Variants in APAF1 observed in about 807,000 individuals in gnomAD.
APAF1 encodes apoptotic protease-activating factor 1.
Under a neutral mutation model 152.4 loss-of-function variants are expected in APAF1, and 91 were observed. The ratio of observed to expected loss-of-function variants is 0.60; its 90% CI spans 0.50 to 0.71. APAF1 has a LOEUF of 0.71. Among genes scored for constraint, APAF1 ranks in the 30% least tolerant of loss-of-function variants. APAF1 has a pLI of 0.00. For synonymous variants in APAF1, 484 were observed against 494.1 expected, an observed-to-expected ratio of 0.98 and a Z score of 0.27; for missense variants, 1,283 against 1,472.0, an observed-to-expected ratio of 0.87 and a Z score of 2.10.
chr12:98,671,586 C>T lies in APAF1; in HGVS notation c.1660C>T (p.Leu554Phe). ...GGAGTTTTTATCTTTAAATGGACAC[C>T]TTCTTGGACGACAGCCATTTCCTAA... ...FQEFLSLNGH[L>F]LGRQPFPNIV... The change falls in exon 12 of 27, where the codon CTT (leucine) becomes TTT (phenylalanine). Residue 554 changes from leucine to phenylalanine, a missense_variant. Leu to Phe is a conservative substitution (Grantham distance 22). Coordinates refer to ENST00000551964, the MANE Select transcript of APAF1 (RefSeq NM_181861.2). The T allele has an allele frequency of 6.2e-7, 1 of 1,613,926 alleles. No homozygotes were observed. Among genetic ancestry groups the T allele is most frequent in the Non-Finnish European group, 8.5e-7 (1 of 1,179,976 alleles).
chr12:98,665,278 A>ATATATATATTTT (rs1491316422), intron 7 of APAF1, among the ~76,000 whole-genome samples: 32 of 65,984 alleles, frequency 4.8e-4, no homozygotes, highest in African/African-American at 1.8e-3. Context: ...ATATATATAT[A>ATATATATATTTT]TTTTTTTTTT....
Position 98,648,830 on chromosome 12 carries a change from T to A in APAF1, c.328+15T>A. The A allele has an allele frequency of 6.2e-7, 1 of 1,609,706 alleles. No homozygotes were observed. Among genetic ancestry groups the A allele is most frequent in the Non-Finnish European group, 8.5e-7 (1 of 1,176,490 alleles). On this transcript the variant is annotated intron_variant, in intron 3 of 26. Transcript: ENST00000551964. ...AACTTCGTATGGTTTGTATCCATTA[T>A]ACCTTCTATCACTTTGCTATCAAAA...
chr12:98,649,497 C>G lies in APAF1; in HGVS notation c.339C>G (p.Val113=). The change falls in exon 4 of 27, where the codon GTC becomes GTG. Residue 113 remains valine (V), a synonymous_variant. Coordinates refer to ENST00000551964, the MANE Select transcript of APAF1 (RefSeq NM_181861.2). ...VSGITSYVRT[V]LCEGGVPQRP... is the part of the protein sequence containing the mutation. ...TGTTTTGGATTTTAGTAAGGACAGTCCTGTGTGAAGGTGGAGTACCACAGA... is the reference window on the plus strand; with the variant it reads ...TGTTTTGGATTTTAGTAAGGACAGTGCTGTGTGAAGGTGGAGTACCACAGA... 1 of 1,614,132 alleles carries G rather than the reference C, an allele frequency of 6.2e-7. No homozygotes were observed. The highest frequency in any genetic ancestry group is 8.5e-7 in the Non-Finnish European group (1 of 1,179,984).
At chr12:98,659,610 G>A (rs2097662238) in intron 5 of APAF1, among the ~76,000 whole-genome samples, 1 of 152,074 alleles carries the variant, frequency 6.6e-6, no homozygotes, top group Admixed American at 6.6e-5. Flanking sequence ...AATTAGCCAG[G>A]TGTTGGTGGC....
chr12:98,706,389 G>A (rs2097721416), intron 18 of APAF1, 96 bp from the exon 19 acceptor site: 3 of 1,152,848 alleles, frequency 2.6e-6, no homozygotes, highest in Non-Finnish European at 3.9e-6. Flanking sequence ...ATTCATTGAA[G>A]TGGTATTGCT....
chr12:98,689,251 C>G (rs1003224231), intron 16 of APAF1, among the ~76,000 whole-genome samples: 2 of 152,180 alleles, frequency 1.3e-5, no homozygotes. Flanking sequence ...CTTCTAACCC[C>G]TATACCTTAA....
At chr12:98,676,825 A>G (rs1206470279) in intron 12 of APAF1, among the ~76,000 whole-genome samples, 1 of 152,042 alleles carries the variant, frequency 6.6e-6, no homozygotes. Flanking sequence ...TTTTATCTTT[A>G]GTAGAGACGG....
intron 12 of APAF1, among the ~76,000 whole-genome samples, chr12:98,676,650 G>GT (rs34774971): frequency 0.89 from 130,184 of 145,918 alleles, 58,050 homozygotes; most frequent in African/African-American, 0.94. Context: ...GAGAGAAGCA[G>GT]TTTTTTTTTT....
At chr12:98,696,380 TC>T (rs780941504) in intron 16 of APAF1, among the ~76,000 whole-genome samples, 230 of 152,250 alleles carry the variant, frequency 1.5e-3, no homozygotes, top group Non-Finnish European at 1.8e-3. Context: ...ACTAATCCAT[TC>T]CCAGGGAACT....
Position 98,648,741 on chromosome 12 carries a change from C to T in APAF1, c.254C>T (p.Ala85Val). 1 of 1,613,980 alleles carries T rather than the reference C, an allele frequency of 6.2e-7. No individual in the cohort carries two copies. Among genetic ancestry groups the T allele is most frequent in the South Asian group, 1.1e-5 (1 of 91,076 alleles). Residue 85 changes from alanine (A) to valine (V), a missense_variant, in exon 3 of 27, where the codon GCC becomes GTC. Transcript: ENST00000551964. ...CATGAAGGATATAAAGATCTTGCTGCCCTTCTCCATGATGGCATTCCTGTT... is the reference window on the plus strand; with the variant it reads ...CATGAAGGATATAAAGATCTTGCTGTCCTTCTCCATGATGGCATTCCTGTT... The part of the protein sequence containing the change: ...LLHEGYKDLA[A>V]LLHDGIPVVS...
intron 1 of APAF1, among the ~76,000 whole-genome samples, chr12:98,646,751 T>C (rs1565849554): frequency 6.6e-6 from 1 of 152,242 alleles, no homozygotes; most frequent in Non-Finnish European, 1.5e-5. Flanking sequence ...CTTGCAGATA[T>C]TGTGAACTGG....
At chr12:98,703,575 C>A in intron 18 of APAF1, 76 bp downstream of exon 18, 1 of 1,563,934 alleles carries the variant, frequency 6.4e-7, no homozygotes. Context: ...CAGCTTAAAC[C>A]ATTAACTGCT....
intron 14 of APAF1, among the ~76,000 whole-genome samples, chr12:98,682,818 C>T (rs964311776): frequency 6.6e-6 from 1 of 152,184 alleles, no homozygotes; most frequent in African/African-American, 2.4e-5. Context: ...ATCTATTATG[C>T]TAACCTCTTT....
At chr12:98,662,379 A>T (rs2097666640) in intron 5 of APAF1, 77 bp from the exon 6 acceptor site, 1 of 1,100,106 alleles carries the variant, frequency 9.1e-7, no homozygotes, top group Admixed American at 1.8e-5. Context: ...ATTTTAAAAG[A>T]CACTGGTGGG....
chr12:98,705,951 G>A (rs1041942494), intron 18 of APAF1, among the ~76,000 whole-genome samples: 11 of 152,064 alleles, frequency 7.2e-5, no homozygotes, highest in African/African-American at 2.2e-4. Context: ...CTATCCCTTC[G>A]CCTCGCTCTC....
intron 12 of APAF1, among the ~76,000 whole-genome samples, chr12:98,672,629 C>A (rs971811511): frequency 1.3e-5 from 2 of 151,962 alleles, no homozygotes; most frequent in African/African-American, 2.4e-5. Context: ...TCTTACCTTT[C>A]CTTATAAAAA....
At chr12:98,723,092 T>C (rs541851994) in intron 22 of APAF1, 101 bp from the exon 23 acceptor site, 2 of 1,231,122 alleles carry the variant, frequency 1.6e-6, no homozygotes, top group East Asian at 2.4e-5. Flanking sequence ...AAATGCCATG[T>C]GAGTAAAAGA....
At position 98,671,676 on chromosome 12, in the gene APAF1, G is replaced by T. The variant is rs1484102400; in HGVS notation, c.1750G>T (p.Ala584Ser). The T allele has an allele frequency of 1.2e-6, 2 of 1,613,980 alleles. No homozygotes were observed. The highest frequency in any genetic ancestry group is 2.7e-5 in the African/African-American group (2 of 74,894). Reference protein sequence around the residue: ...SEVYQQAKLQAKQEVDNGMLY... With the variant: ...SEVYQQAKLQSKQEVDNGMLY... Reference sequence around the variant, plus strand: ...AGTTTATCAGCAAGCTAAGCTGCAGGCCAAGCAGGAGGTCGATAATGGAAT... The same window carrying T: ...AGTTTATCAGCAAGCTAAGCTGCAGTCCAAGCAGGAGGTCGATAATGGAAT... The change falls in exon 12 of 27, where the codon GCC becomes TCC. Residue 584 changes from alanine to serine, a missense_variant. Physicochemically the swap from Ala to Ser is moderately conservative, Grantham distance 99 (BLOSUM62 1). Coordinates refer to ENST00000551964, the MANE Select transcript of APAF1 (RefSeq NM_181861.2).
intron 4 of APAF1, among the ~76,000 whole-genome samples, chr12:98,656,492 T>C (rs1007164557): frequency 2.6e-5 from 4 of 152,204 alleles, no homozygotes; most frequent in African/African-American, 9.6e-5. Context: ...GCCCTGTCTC[T>C]ACCTCAGTTA....
Sources: allele counts gnomAD v4.1 joint callset (sites outside exome capture counted in the v4.1 genomes callset), GRCh38; gene constraint gnomAD v4.1.1; transcripts MANE v1.5; gene names NCBI Gene and HGNC (gene_info 2026-07-23, HGNC 2026-07-21).